TP53BP1: variants seen among roughly 807,000 people sequenced by gnomAD.
TP53BP1 encodes the protein tumor protein p53 binding protein 1.
TP53BP1 carries 61 observed loss-of-function variants against 200.8 expected under a neutral mutation model. The observed-to-expected ratio is 0.30, with a 90% CI of 0.25 to 0.38. TP53BP1 has a LOEUF of 0.38. Ranked by LOEUF, TP53BP1 falls within the 10% of genes least tolerant of loss-of-function variation. The pLI is 1.00. For missense variants in TP53BP1, 2,144 were observed against 2,371.9 expected (o/e 0.90, Z 2.00); for synonymous variants, 822 against 844.3 (o/e 0.97, Z 0.46).
Position 43,416,286 on chromosome 15 carries a change from C to T in TP53BP1, c.4812G>A (p.Gln1604=), listed in dbSNP as rs769875067. ...CTGCTTCATAGGGGCCAAGCCCATA[C>T]TGCTCTCTCAGTCTGTTTCCTTGCT... ...SLEQGNRLRE[Q]YGLGPYEAVT... The change falls in exon 22 of 28, where the codon CAG becomes CAA. Residue 1604 remains glutamine, a synonymous_variant. Transcript: ENST00000382044. The T allele has an allele frequency of 2.5e-6, 4 of 1,614,242 alleles. No individual in the cohort carries two copies. In the Admixed American group the frequency reaches 6.7e-5, roughly 27 times the overall value.
At chr15:43,462,843 G>A (rs2046473093) in intron 11 of TP53BP1, among the ~76,000 whole-genome samples, 1 of 151,980 alleles carries the variant, frequency 6.6e-6, no homozygotes, top group Admixed American at 6.6e-5. Context: ...GATCACTTAA[G>A]GTCAGAAGTT....
At chr15:43,474,612 G>A in intron 10 of TP53BP1, 61 bp downstream of exon 10, 2 of 1,176,348 alleles carry the variant, frequency 1.7e-6, no homozygotes, top group Admixed American at 4.0e-5. Context: ...CATTTTGCAA[G>A]GCAGAAAAAG....
chr15:43,420,694 G>A lies in TP53BP1; in HGVS notation c.4292C>T (p.Ser1431Leu). ...TTTATCATCTGGTGACAAGTTAGGT[G>A]AAATGTCCTCTATGCCCAAGGGGCC... is the stretch of plus-strand genomic sequence containing the variant. Reference protein sequence around the residue: ...VPGPLGIEDISPNLSPDDKSF... With the variant: ...VPGPLGIEDILPNLSPDDKSF... The change falls in exon 21 of 28, where the codon TCA becomes TTA. Residue 1431 changes from serine to leucine, a missense_variant. Physicochemically the swap from Ser to Leu is moderately radical, Grantham distance 145. This residue lies in a region of TP53BP1 where 1,700 missense variants were observed against 1,710.3 expected (regional missense o/e 0.99). Transcript: ENST00000382044. The A allele has an allele frequency of 6.2e-7, 1 of 1,614,210 alleles. No individual in the cohort carries two copies. The highest frequency in any genetic ancestry group is 8.5e-7 in the Non-Finnish European group (1 of 1,180,030).
rs1273152199 is a variant in TP53BP1, at chr15:43,407,082, TCTTAA to T, written c.*296_*300del. 2 of 304,130 alleles carry T rather than the reference TCTTAA, an allele frequency of 6.6e-6. No homozygotes were observed. Among genetic ancestry groups the T allele is most frequent in the Non-Finnish European group, 1.2e-5 (2 of 161,172 alleles). 18.8% of individuals were successfully genotyped at this position (304,130 alleles called of 1,614,324 possible). On this transcript the variant is annotated 3_prime_UTR_variant, in exon 28 of 28. Transcript: ENST00000382044. ...AATGATGCCACAGAATAAAGTTCAC[TCTTAA>T]CTTTTCAATTTCCTTGGCCAGCTGT...
chr15:43,416,421 G>T lies in TP53BP1; in HGVS notation c.4682-5C>A, dbSNP rs528167739. 1.1e-5 allele frequency: 17 copies of T among 1,612,798 alleles called. No individual in the cohort carries two copies. In the Admixed American group the frequency reaches 2.2e-4, roughly 21 times the overall value. ...TCCTATGTCCTTTCACCACTCCTGG[G>T]GGGTGGAAAGCATAAAAGAAGCTTG... On this transcript the variant is annotated splice_polypyrimidine_tract_variant and splice_region_variant and intron_variant, in intron 21 of 27. Transcript: ENST00000382044.
Position 43,492,071 on chromosome 15 carries a change from T to C in TP53BP1, c.217A>G (p.Thr73Ala), listed in dbSNP as rs780145043. Residue 73 changes from threonine to alanine, a missense_variant, in exon 3 of 28, where the codon ACA (threonine) becomes GCA (alanine). By Grantham distance (58) the Thr-to-Ala change is moderately conservative. Around this residue, in one of 4 missense-constraint regions of TP53BP1, gnomAD observed 1,700 missense variants for 1,710.3 expected, o/e 0.99. Transcript: ENST00000382044. Reference sequence around the variant, plus strand: ...CCGTCTCCTCGTTCTTCTCCAGCTGTTTGTTCAGGATTGGACACAACATCC... The same window carrying C: ...CCGTCTCCTCGTTCTTCTCCAGCTGCTTGTTCAGGATTGGACACAACATCC... ...VLDVVSNPEQ[T>A]AGEERGDGNS... 2 of 1,613,968 alleles carry C rather than the reference T, an allele frequency of 1.2e-6. No homozygotes were observed. The highest frequency in any genetic ancestry group is 2.2e-5 in the South Asian group (2 of 91,078).
In TP53BP1 at chr15:43,500,467, C is replaced by A. The variant is rs533463081; in HGVS notation, c.-8-7999G>T. 7.2e-5 allele frequency among the ~76,000 whole-genome samples: 11 copies of A among 152,030 alleles called. No homozygotes were observed. In the East Asian group the frequency reaches 2.1e-3, roughly 29 times the overall value. ...CCACCCACTTCCCCCAAACTGATTT[C>A]TAAACAAATCCCAGACATCATATAA... is the stretch of plus-strand genomic sequence containing the variant. On this transcript the variant is annotated intron_variant, in intron 1 of 27. Coordinates refer to the TP53BP1 transcript ENST00000263801.
chr15:43,449,348 T>C (rs1212125371), intron 12 of TP53BP1, among the ~76,000 whole-genome samples: 2 of 152,224 alleles, frequency 1.3e-5, no homozygotes, highest in Non-Finnish European at 2.9e-5. Flanking sequence ...CAAAGCCTCA[T>C]ATATTCCAGA....
At chr15:43,411,288 GGTT>G (rs1566913792) in intron 24 of TP53BP1, among the ~76,000 whole-genome samples, 1 of 152,170 alleles carries the variant, frequency 6.6e-6, no homozygotes, top group Non-Finnish European at 1.5e-5. Context: ...AAAATGAATA[GGTT>G]GTTAATCGTG....
At chr15:43,470,157 A>G in intron 10 of TP53BP1, 91 bp from the exon 11 acceptor site, 3 of 1,049,378 alleles carry the variant, frequency 2.9e-6, no homozygotes, top group Non-Finnish European at 4.2e-6. Context: ...CACTACAGAC[A>G]TTTTCACTCT....
chr15:43,456,113 T>C lies in TP53BP1; in HGVS notation c.2495A>G (p.Glu832Gly). ...TAAGGAAGGCTGTGAAGAATCTTGC[T>C]CTACAGGTTCTGTTTCTGCAGTCCC... ...KSGTAETEPV[E>G]QDSSQPSLPL... is the part of the protein sequence containing the mutation. Residue 832 changes from glutamate to glycine, a missense_variant, in exon 12 of 28, where the codon GAG becomes GGG. Glu to Gly is a moderately conservative substitution (Grantham distance 98). Transcript: ENST00000382044. 1 of 1,614,230 alleles carries C rather than the reference T, an allele frequency of 6.2e-7. No individual in the cohort carries two copies. The highest frequency in any genetic ancestry group is 8.5e-7 in the Non-Finnish European group (1 of 1,180,034).
chr15:43,509,959 G>A (rs1393876594), intron 1 of TP53BP1, among the ~76,000 whole-genome samples: 1 of 152,184 alleles, frequency 6.6e-6, no homozygotes, highest in Non-Finnish European at 1.5e-5. Flanking sequence ...GGTATCCTGG[G>A]TAAAAGACTA....
chr15:43,480,836 A>C (rs2078953893), intron 5 of TP53BP1, 59 bp downstream of exon 5: 2 of 1,588,512 alleles, frequency 1.3e-6, no homozygotes, highest in Admixed American at 3.4e-5. Context: ...AGACATCTGC[A>C]CAATCATGTT....
At chr15:43,454,134 G>A (rs2046237857) in intron 12 of TP53BP1, among the ~76,000 whole-genome samples, 2 of 151,642 alleles carry the variant, frequency 1.3e-5, no homozygotes, top group Non-Finnish European at 2.9e-5. Flanking sequence ...GAACCCGGGA[G>A]GCAGAGGTTG....
chr15:43,421,550 C>A, intron 19 of TP53BP1: 1 of 499,552 alleles, frequency 2.0e-6, no homozygotes, highest in Non-Finnish European at 3.6e-6. Flanking sequence ...GTACTCCCAA[C>A]TAAATCATAT....
rs1470502667 is a variant in TP53BP1 at position 43,432,186 on chromosome 15, T to G, written c.3675+8A>C. On this transcript the variant is annotated splice_region_variant and intron_variant, in intron 17 of 27. Coordinates refer to ENST00000382044, the MANE Select transcript of TP53BP1 (RefSeq NM_001141980.3). ...AGGCCTCTGATGCACCCTAGTATGT[T>G]CTCTCACCTGGCTATGGAGCGACTC... is the stretch of plus-strand genomic sequence containing the variant. 5 of 1,612,358 alleles carry G rather than the reference T, an allele frequency of 3.1e-6. No homozygotes were observed. Among genetic ancestry groups the G allele is most frequent in the Non-Finnish European group, 4.2e-6 (5 of 1,178,966 alleles).
At chr15:43,425,940 C>T (rs1241243487) in intron 18 of TP53BP1, among the ~76,000 whole-genome samples, 1 of 151,896 alleles carries the variant, frequency 6.6e-6, no homozygotes, top group Non-Finnish European at 1.5e-5. Flanking sequence ...TGGCGGGCAC[C>T]TGTAGTCCCA....
At chr15:43,408,740 A>C in intron 26 of TP53BP1, 157 bp downstream of exon 26, 1 of 694,298 alleles carries the variant, frequency 1.4e-6, no homozygotes, top group Non-Finnish European at 2.4e-6. Flanking sequence ...TAGGGAAATA[A>C]ACTAGATAAA....
chr15:43,480,791 T>C, intron 5 of TP53BP1, 104 bp downstream of exon 5: 6 of 1,265,156 alleles, frequency 4.7e-6, no homozygotes, highest in South Asian at 3.0e-5. Context: ...AATTTAATTA[T>C]GAGAAATCTG....
Sources: gnomAD v4.1 joint callset for allele counts (sites outside exome capture counted in the v4.1 genomes callset) on GRCh38, gnomAD v4.1.1 for gene constraint, gnomAD v4.1.1 regional missense constraint, MANE v1.5 for transcripts, NCBI Gene and HGNC (gene_info 2026-07-23, HGNC 2026-07-21) for gene names.